NMU: variants seen among roughly 807,000 people sequenced by gnomAD.
NMU encodes neuromedin-U.
A neutral mutation model predicts 35.4 loss-of-function variants in NMU; 29 were observed. The observed-to-expected ratio is 0.82, with a 90% CI of 0.61 to 1.12. The LOEUF (loss-of-function observed/expected upper bound fraction) is 1.12, where lower values mean the gene tolerates loss of function less well. NMU is among the 50% of genes most tolerant of loss of function. NMU has a pLI of 0.00. For synonymous variants in NMU, 78 were observed against 81.3 expected, an observed-to-expected ratio of 0.96 and a Z score of 0.22; for missense variants, 199 against 206.2, an observed-to-expected ratio of 0.97 and a Z score of 0.21.
At chr4:55,604,534 C>CTT (rs199852859) in intron 7 of NMU, among the ~76,000 whole-genome samples, 1,909 of 136,672 alleles carry the variant, frequency 0.014, 51 homozygotes, top group African/African-American at 0.049. Flanking sequence ...CAAACTCTTA[C>CTT]TTTTTTTTTT....
At chr4:55,607,147 TA>T in intron 6 of NMU, 150 bp downstream of exon 6, 1 of 619,540 alleles carries the variant, frequency 1.6e-6, no homozygotes, top group Non-Finnish European at 2.9e-6. Flanking sequence ...AAATCAAATG[TA>T]TAATAAATAT....
At chr4:55,606,671 T>C (rs1733693329) in intron 6 of NMU, among the ~76,000 whole-genome samples, 1 of 151,262 alleles carries the variant, frequency 6.6e-6, no homozygotes, top group South Asian at 2.1e-4. Context: ...CAGGGATTTT[T>C]CTTTCTTTTC....
At chr4:55,600,375 G>T in intron 8 of NMU, 147 bp downstream of exon 8, 1 of 635,796 alleles carries the variant, frequency 1.6e-6, no homozygotes, top group Non-Finnish European at 2.9e-6. Flanking sequence ...ATAAGGTGGT[G>T]ACAGAAGTGA....
intron 2 of NMU, among the ~76,000 whole-genome samples, chr4:55,624,113 G>T (rs536311021): frequency 0.013 from 2,001 of 150,304 alleles, 43 homozygotes; most frequent in African/African-American, 0.047. Context: ...GCATGGGCAA[G>T]AACTTCATGA....
At chr4:55,603,635 G>A (rs1733516810) in intron 7 of NMU, among the ~76,000 whole-genome samples, 2 of 151,732 alleles carry the variant, frequency 1.3e-5, no homozygotes, top group Admixed American at 6.6e-5. Context: ...CCTAGAGGCC[G>A]GGCGCAGTGG....
intron 2 of NMU, among the ~76,000 whole-genome samples, chr4:55,629,803 C>T (rs1204907917): frequency 6.6e-6 from 1 of 152,010 alleles, no homozygotes; most frequent in East Asian, 1.9e-4. Flanking sequence ...AACTCTCCAA[C>T]TATAACTGTT....
At chr4:55,607,908 C>A (rs1212453609) in intron 4 of NMU, among the ~76,000 whole-genome samples, 1 of 152,132 alleles carries the variant, frequency 6.6e-6, no homozygotes, top group African/African-American at 2.4e-5. Flanking sequence ...CGGTGGCTTG[C>A]GCCTGTAATC....
chr4:55,603,924 AAAATAT>A (rs1300437117), intron 7 of NMU, among the ~76,000 whole-genome samples: 1,020 of 52,216 alleles, frequency 0.02, 124 homozygotes, highest in African/African-American at 0.054. Flanking sequence ...AAAAAAAAAA[AAAATAT>A]ATATATATAT....
At position 55,609,171 on chromosome 4, in the gene NMU, G is replaced by A. The variant is rs3805383; in HGVS notation, c.228C>T (p.Asn76=). 398,277 of 1,604,218 alleles carry A rather than the reference G, an allele frequency of 0.25. 51,894 individuals carry two copies. Among genetic ancestry groups the A allele is most frequent in the Non-Finnish European group, 0.26 (305,074 of 1,171,134 alleles). ...TCATAAAGCAAAGCTCCTCCAGTGC[G>A]TTGGATGCCTAACAGAAATGAGAAG... ...LSIDSQPQAS[N]ALEELCFMIM... The change falls in exon 4 of 10, where the codon AAC becomes AAT. Residue 76 remains asparagine, a synonymous_variant. Coordinates refer to ENST00000264218, the MANE Select transcript of NMU (RefSeq NM_006681.4).
rs759935114 is a variant in NMU, at chr4:55,636,061, C to A, written c.112+20G>T. The A allele has an allele frequency of 4.4e-5, 67 of 1,531,414 alleles. 1 individual carries two copies. In the Middle Eastern group the frequency reaches 1.3e-3, roughly 31 times the overall value. The allele number at this position is 1,531,414 out of a possible 1,614,324, so 94.9% of individuals were successfully genotyped here. On this transcript the variant is annotated intron_variant, in intron 1 of 9. Transcript: ENST00000264218. This position sits in a 1 kb window ranked among gnomAD's most constrained non-coding sequence, Gnocchi z 4.0. ...GAGGCGCGCATGGCGTGGAAGCGGCCGGGTGCGGGGCCGTCTTACCTCGGC... is the reference window on the plus strand; with the variant it reads ...GAGGCGCGCATGGCGTGGAAGCGGCAGGGTGCGGGGCCGTCTTACCTCGGC...
chr4:55,619,152 C>G (rs1360217286), intron 2 of NMU, among the ~76,000 whole-genome samples: 1 of 152,038 alleles, frequency 6.6e-6, no homozygotes, highest in Non-Finnish European at 1.5e-5. Flanking sequence ...TATTAGGGTT[C>G]AGGGAGGAGC....
chr4:55,636,371 T>C, upstream of NMU: 1 of 952,150 alleles, frequency 1.1e-6, no homozygotes, highest in African/African-American at 1.7e-5. The surrounding 1 kb of genome is among the most constrained non-coding windows in gnomAD (Gnocchi z 4.0). Context: ...CCGCCGCGCG[T>C]CACCTCGCCG....
At chr4:55,598,357 G>A (rs915429339) in intron 9 of NMU, among the ~76,000 whole-genome samples, 2 of 152,054 alleles carry the variant, frequency 1.3e-5, no homozygotes, top group African/African-American at 4.8e-5. Context: ...ACAGGCATGA[G>A]CCACTATGCC....
chr4:55,619,867 G>A (rs1264714933), intron 2 of NMU, among the ~76,000 whole-genome samples: 1 of 130,820 alleles, frequency 7.6e-6, no homozygotes, highest in Non-Finnish European at 1.7e-5. Context: ...CCTGACCCCC[G>A]AGCAGCCTAA....
chr4:55,608,914 C>T (rs1733814830), intron 4 of NMU, among the ~76,000 whole-genome samples: 1 of 152,070 alleles, frequency 6.6e-6, no homozygotes, highest in Admixed American at 6.6e-5. Flanking sequence ...ATATGATTTC[C>T]CAATTAGATT....
At chr4:55,609,015 C>T in intron 4 of NMU, 105 bp downstream of exon 4, 1 of 914,448 alleles carries the variant, frequency 1.1e-6, no homozygotes, top group Non-Finnish European at 1.8e-6. Flanking sequence ...CTCTTCTAAC[C>T]TGTCTTGGCA....
intron 4 of NMU, among the ~76,000 whole-genome samples, chr4:55,608,285 C>A (rs1012160191): frequency 6.6e-6 from 1 of 151,182 alleles, no homozygotes; most frequent in Non-Finnish European, 1.5e-5. Flanking sequence ...GTTGTCATTT[C>A]TTTTATCTTA....
In NMU at chr4:55,604,679, A is replaced by ATTTTTTTTTTTTTTTTTTTTTTT. The variant is rs767568542; in HGVS notation, c.435+573_435+595dup. ...AGGCATGCGCCAATATGCCTGGCTA[A>ATTTTTTTTTTTTTTTTTTTTTTT]TTTTTTTTTTTTTTTTTTTTTTTTT... On this transcript the variant is annotated intron_variant, in intron 7 of 9. Transcript: ENST00000264218. 8.0e-4 allele frequency among the ~76,000 whole-genome samples: 38 copies of ATTTTTTTTTTTTTTTTTTTTTTT among 47,614 alleles called. 5 individuals carry two copies. Among genetic ancestry groups the ATTTTTTTTTTTTTTTTTTTTTTT allele is most frequent in the Admixed American group, 1.5e-3 (4 of 2,594 alleles). 31.2% of individuals were successfully genotyped at this position (47,614 alleles called of 152,430 possible). A position where few individuals can be genotyped will look rare whatever the true frequency, so the allele number is the denominator to read the frequency against.
At chr4:55,607,160 G>T (rs2110190870) in intron 6 of NMU, 138 bp downstream of exon 6, 1 of 629,714 alleles carries the variant, frequency 1.6e-6, no homozygotes, top group Non-Finnish European at 2.9e-6. Context: ...AATAAATATT[G>T]AATTTCATTC....
Sources: allele counts gnomAD v4.1 joint callset (sites outside exome capture counted in the v4.1 genomes callset), GRCh38; gene constraint gnomAD v4.1.1; non-coding constraint Gnocchi (gnomAD v3.1); transcripts MANE v1.5; gene names NCBI Gene and HGNC (gene_info 2026-07-23, HGNC 2026-07-21).